ANKS1B: variants seen among roughly 807,000 people sequenced by gnomAD.
ANKS1B encodes ankyrin repeat and sterile alpha motif domain containing 1B, also known as ankyrin repeat and sterile alpha motif domain-containing protein 1B.
A neutral mutation model predicts 148.3 loss-of-function variants in ANKS1B; 36 were observed. The observed-to-expected ratio is 0.24, with a 90% CI of 0.19 to 0.32. The LOEUF (loss-of-function observed/expected upper bound fraction) is 0.32, where lower values mean the gene tolerates loss of function less well. Among genes scored for constraint, ANKS1B ranks in the 10% least tolerant of loss-of-function variants. ANKS1B has a pLI of 1.00. For missense variants in ANKS1B, 1,157 were observed against 1,542.6 expected, an observed-to-expected ratio of 0.75 and a Z score of 4.19; for synonymous variants, 542 against 560.8, an observed-to-expected ratio of 0.97 and a Z score of 0.47.
At chr12:99,880,635 T>C (rs2092421915) in intron 1 of ANKS1B, among the ~76,000 whole-genome samples, 1 of 152,226 alleles carries the variant, frequency 6.6e-6, no homozygotes, top group African/African-American at 2.4e-5. Context: ...CTCATTTCCA[T>C]AATGAGTAAA....
chr12:99,039,418 T>G (rs2099957516), intron 17 of ANKS1B, among the ~76,000 whole-genome samples: 1 of 152,226 alleles, frequency 6.6e-6, no homozygotes, highest in Admixed American at 6.5e-5. Flanking sequence ...AGCACCTGCT[T>G]TGTAAAGGGC....
At chr12:99,810,804 T>A (rs1231947617) in intron 3 of ANKS1B, among the ~76,000 whole-genome samples, 2 of 152,000 alleles carry the variant, frequency 1.3e-5, no homozygotes, top group Non-Finnish European at 2.9e-5. Context: ...AAAACTAACA[T>A]CCTCTTGTTT....
At chr12:98,929,853 G>T (rs983667236) in intron 17 of ANKS1B, among the ~76,000 whole-genome samples, 24 of 152,084 alleles carry the variant, frequency 1.6e-4, no homozygotes, top group Non-Finnish European at 1.9e-4. Flanking sequence ...AAACATAGAA[G>T]AAAATCTTCA....
intron 12 of ANKS1B, among the ~76,000 whole-genome samples, chr12:99,255,988 A>G (rs992267500): frequency 2.0e-5 from 3 of 152,194 alleles, no homozygotes; most frequent in Non-Finnish European, 2.9e-5. Context: ...TCTTCCATTG[A>G]GTGAGGTGTG....
chr12:98,889,000 T>C (rs541145727), intron 17 of ANKS1B, among the ~76,000 whole-genome samples: 2 of 152,350 alleles, frequency 1.3e-5, no homozygotes, highest in East Asian at 3.9e-4. Flanking sequence ...CTCCACTCAA[T>C]GGATACACAC....
intron 9 of ANKS1B, among the ~76,000 whole-genome samples, chr12:99,523,702 G>A (rs1044525238): frequency 5.3e-5 from 8 of 151,534 alleles, no homozygotes; most frequent in Admixed American, 2.0e-4. Context: ...ACAGGCGCCC[G>A]CCACCACGCC....
intron 17 of ANKS1B, among the ~76,000 whole-genome samples, chr12:98,969,479 C>CA (rs2099881365): frequency 6.6e-6 from 1 of 152,054 alleles, no homozygotes. Flanking sequence ...TCCTCATACT[C>CA]ACATGCTGTG....
intron 17 of ANKS1B, among the ~76,000 whole-genome samples, chr12:99,022,461 T>C (rs1035253770): frequency 3.3e-5 from 5 of 152,342 alleles, no homozygotes; most frequent in Non-Finnish European, 7.3e-5. Context: ...ATATACACTA[T>C]GTATCGTTGT....
chr12:99,084,699 C>T (rs1197148847), intron 16 of ANKS1B, among the ~76,000 whole-genome samples: 1 of 152,058 alleles, frequency 6.6e-6, no homozygotes, highest in Admixed American at 6.6e-5. Flanking sequence ...GACTGGGTGA[C>T]AGAGAGAGAC....
intron 17 of ANKS1B, among the ~76,000 whole-genome samples, chr12:98,919,955 C>T (rs1477861748): frequency 6.6e-6 from 1 of 152,170 alleles, no homozygotes; most frequent in Non-Finnish European, 1.5e-5. Flanking sequence ...CTCACTAATT[C>T]AACACTGAGT....
chr12:98,797,675 A>G (rs1459406677), intron 22 of ANKS1B, among the ~76,000 whole-genome samples: 2 of 152,128 alleles, frequency 1.3e-5, no homozygotes, highest in Non-Finnish European at 2.9e-5. Context: ...TTGCTGTTGA[A>G]TTGATCAAAA....
At chr12:99,051,733 T>G (rs1161469077) in intron 17 of ANKS1B, among the ~76,000 whole-genome samples, 2 of 152,120 alleles carry the variant, frequency 1.3e-5, no homozygotes, top group African/African-American at 4.8e-5. Flanking sequence ...TAAGAAAGAG[T>G]TACTTATGGC....
At chr12:98,905,724 A>G (rs1458612929) in intron 17 of ANKS1B, among the ~76,000 whole-genome samples, 2 of 152,094 alleles carry the variant, frequency 1.3e-5, no homozygotes, top group Non-Finnish European at 2.9e-5. Flanking sequence ...GTGAGCCAAG[A>G]TCGTACCATT....
At chr12:99,070,879 T>C (rs1218387381) in intron 16 of ANKS1B, among the ~76,000 whole-genome samples, 1 of 152,098 alleles carries the variant, frequency 6.6e-6, no homozygotes, top group Admixed American at 6.5e-5. Context: ...TGCCCAGCCT[T>C]GTCTTGAAGT....
chr12:98,751,278 C>T lies in ANKS1B; in HGVS notation c.3747+77G>A, dbSNP rs2153396350. On this transcript the variant is annotated intron_variant, in intron 26 of 26. Coordinates refer to ENST00000683438, the MANE Select transcript of ANKS1B (RefSeq NM_001352186.2). The surrounding 1 kb of genome is among the most constrained non-coding windows in gnomAD (Gnocchi z 4.3). ...GCCCTGGGTTCTAATGGCACCCACA[C>T]CACACAAGGGCCTGGTTAGCAGCCC... 3 of 1,474,728 alleles carry T rather than the reference C, an allele frequency of 2.0e-6. No homozygotes were observed. The allele number at this position is 1,474,728 out of a possible 1,614,324, so 91.4% of individuals were successfully genotyped here.
At chr12:99,003,818 G>A (rs994612370) in intron 17 of ANKS1B, among the ~76,000 whole-genome samples, 1 of 152,212 alleles carries the variant, frequency 6.6e-6, no homozygotes, top group African/African-American at 2.4e-5. Flanking sequence ...CAATTGGCTA[G>A]GCTAACAAAC....
At chr12:98,894,755 C>A (rs1388273464) in intron 17 of ANKS1B, 1 of 985,520 alleles carries the variant, frequency 1.0e-6, no homozygotes, top group Non-Finnish European at 1.2e-6. Context: ...TCTTTCTGGG[C>A]GCCCCCAGCG....
At chr12:99,159,057 A>C (rs866912260) in intron 14 of ANKS1B, among the ~76,000 whole-genome samples, 1 of 152,156 alleles carries the variant, frequency 6.6e-6, no homozygotes, top group Non-Finnish European at 1.5e-5. Context: ...GACTGCTTAC[A>C]TATAGGGTAG....
chr12:99,953,075 TG>T lies in ANKS1B; in HGVS notation c.134+31028del, dbSNP rs554354294. On this transcript the variant is annotated intron_variant, in intron 1 of 26. Transcript: ENST00000683438. ...AAAGGTCAGAATTAGAGATGTAAAT[TG>T]GAGAACTGCTTATACAGAAATGGTT... 2.6e-5 allele frequency among the ~76,000 whole-genome samples: 4 copies of T among 152,230 alleles called. No individual in the cohort carries two copies. The East Asian group carries it at 7.7e-4, about 29-fold the overall frequency.
Sources: gnomAD v4.1 joint callset for allele counts (sites outside exome capture counted in the v4.1 genomes callset) on GRCh38, gnomAD v4.1.1 for gene constraint, Gnocchi (gnomAD v3.1) non-coding constraint, MANE v1.5 for transcripts, NCBI Gene and HGNC (gene_info 2026-07-23, HGNC 2026-07-21) for gene names.